The following PAPOLA variants were observed in gnomAD, a reference collection of about 807,000 sequenced individuals.
PAPOLA encodes the protein poly(A) polymerase alpha, also known as polynucleotide adenylyltransferase alpha.
A neutral mutation model predicts 100.6 loss-of-function variants in PAPOLA; 15 were observed. That is an observed-to-expected ratio of 0.15 (90% CI 0.10 to 0.23). The LOEUF (loss-of-function observed/expected upper bound fraction) is 0.23, where lower values mean the gene tolerates loss of function less well. PAPOLA is among the 10% of genes least tolerant of loss of function. The pLI, the probability that PAPOLA is intolerant of heterozygous loss-of-function variation, is 1.00. For synonymous variants in PAPOLA, 293 were observed against 300.0 expected (o/e 0.98, Z 0.24); for missense variants, 533 against 884.2 (o/e 0.60, Z 5.04).
intron 1 of PAPOLA, among the ~76,000 whole-genome samples, chr14:96,518,982 G>A (rs1173832421): frequency 6.6e-6 from 1 of 152,092 alleles, no homozygotes; most frequent in Non-Finnish European, 1.5e-5. Flanking sequence ...GGTGGAACCT[G>A]GAAGGTAGAG....
At chr14:96,513,090 A>G (rs72706844) in intron 1 of PAPOLA, among the ~76,000 whole-genome samples, 203 of 152,262 alleles carry the variant, frequency 1.3e-3, no homozygotes, top group Middle Eastern at 3.4e-3. Flanking sequence ...TTGGGGATGG[A>G]GTCCCGCTTG....
chr14:96,563,074 G>C (rs551338316), intron 21 of PAPOLA, among the ~76,000 whole-genome samples, 181 bp downstream of exon 21: 2 of 152,072 alleles, frequency 1.3e-5, no homozygotes, highest in African/African-American at 4.8e-5. Flanking sequence ...TGACGGAACC[G>C]TTCTCTGGGA....
rs1160525720 is a variant in PAPOLA, at chr14:96,560,703, G to A, written c.2059G>A (p.Glu687Lys). The change falls in exon 20 of 22, where the codon GAA becomes AAA. Residue 687 changes from glutamate to lysine, a missense_variant. This residue lies in a region of PAPOLA where 242 missense variants were observed against 281.0 expected (regional missense o/e 0.86). Coordinates refer to ENST00000216277, the MANE Select transcript of PAPOLA (RefSeq NM_032632.5). The part of the protein sequence containing the change: ...CLALSGHDKT[E>K]AKEQLDTETS... ...TGCTTTGAGTGGACATGATAAAACA[G>A]AAGCAAAGGTATACTAATTTAGCCT... The A allele has an allele frequency of 6.3e-6, 10 of 1,588,202 alleles. No individual in the cohort carries two copies. The highest frequency in any genetic ancestry group is 5.2e-6 in the Non-Finnish European group (6 of 1,157,638).
intron 16 of PAPOLA, among the ~76,000 whole-genome samples, chr14:96,548,430 G>T (rs537803127): frequency 6.6e-6 from 1 of 152,112 alleles, no homozygotes; most frequent in Non-Finnish European, 1.5e-5. Context: ...CATTGTTCTA[G>T]TGTTAGTGCT....
chr14:96,544,806 A>G (rs772703226), intron 15 of PAPOLA, among the ~76,000 whole-genome samples: 1 of 152,090 alleles, frequency 6.6e-6, no homozygotes, highest in African/African-American at 2.4e-5. Context: ...GAAATTGATG[A>G]AGCAGAACTT....
chr14:96,512,405 T>A (rs1479594690), intron 1 of PAPOLA, among the ~76,000 whole-genome samples: 1 of 152,202 alleles, frequency 6.6e-6, no homozygotes, highest in Non-Finnish European at 1.5e-5. Flanking sequence ...TTTATCTATA[T>A]GACTACATAT....
chr14:96,547,467 T>C (rs558562029), intron 15 of PAPOLA, among the ~76,000 whole-genome samples: 10 of 152,284 alleles, frequency 6.6e-5, no homozygotes, highest in Non-Finnish European at 1.3e-4. Flanking sequence ...ACTGGTAGCA[T>C]AAAAGGGTAT....
chr14:96,502,882 C>G (rs1474054091), intron 1 of PAPOLA: 1 of 406,000 alleles, frequency 2.5e-6, no homozygotes, highest in Non-Finnish European at 4.4e-6. Context: ...TCTAACTCGC[C>G]CGGCCACTCC....
intron 17 of PAPOLA, among the ~76,000 whole-genome samples, chr14:96,555,179 G>C (rs143796488): frequency 0.013 from 1,750 of 131,822 alleles, 22 homozygotes; most frequent in Non-Finnish European, 0.021. Context: ...GTTTATTTCT[G>C]TTTTCTGTTT....
At chr14:96,556,124 A>T (rs773260544) in intron 18 of PAPOLA, 51 bp from the exon 19 acceptor site, 1 of 1,427,270 alleles carries the variant, frequency 7.0e-7, no homozygotes, top group Non-Finnish European at 9.9e-7. Context: ...TTACAACTTG[A>T]TACTGATTTG....
intron 1 of PAPOLA, among the ~76,000 whole-genome samples, chr14:96,515,892 T>G (rs1039829066): frequency 6.6e-6 from 1 of 152,212 alleles, no homozygotes; most frequent in Admixed American, 6.5e-5. Context: ...TCTAGTGCAT[T>G]CAAGAATGGG....
intron 3 of PAPOLA, among the ~76,000 whole-genome samples, chr14:96,522,351 T>G (rs1187401924): frequency 2.0e-5 from 3 of 151,772 alleles, no homozygotes; most frequent in Non-Finnish European, 4.4e-5. Context: ...ACTTTTGGTC[T>G]CAAGTGATCT....
In PAPOLA at chr14:96,556,268, G is replaced by A. The variant is rs765959180; in HGVS notation, c.1859G>A (p.Arg620His). The A allele has an allele frequency of 3.1e-6, 5 of 1,613,828 alleles. No homozygotes were observed. The highest frequency in any genetic ancestry group is 2.2e-5 in the East Asian group (1 of 44,872). Reference protein sequence around the residue: ...PTVSRVVSSTRLVNPPPRSSG... With the variant: ...PTVSRVVSSTHLVNPPPRSSG... ...GTCTCCAGAGTTGTTTCTTCAACACGTCTGGTAAACCCACCACCTAGATCT... is the reference window on the plus strand; with the variant it reads ...GTCTCCAGAGTTGTTTCTTCAACACATCTGGTAAACCCACCACCTAGATCT... Residue 620 changes from arginine to histidine, a missense_variant, in exon 19 of 22, where the codon CGT (arginine) becomes CAT (histidine). By Grantham distance (29) the Arg-to-His change is conservative. Around this residue, in one of 9 missense-constraint regions of PAPOLA, gnomAD observed 242 missense variants for 281.0 expected, o/e 0.86. Transcript: ENST00000216277.
chr14:96,565,026 A>C lies in PAPOLA; in HGVS notation c.2214A>C (p.Ser738=). The change falls in exon 22 of 22, where the codon TCA becomes TCC. Residue 738 remains serine (S), a synonymous_variant. Coordinates refer to ENST00000216277, the MANE Select transcript of PAPOLA (RefSeq NM_032632.5). ...ATCCTATTCCTGTTATCAAGAATTC[A>C]ATAAAACTGAGATTGAATCGGTAAA... The part of the protein sequence containing the change: ...PANPIPVIKN[S]IKLRLNR 6.3e-7 allele frequency: 1 copy of C among 1,590,218 alleles called. No homozygotes were observed. Among genetic ancestry groups the C allele is most frequent in the Non-Finnish European group, 8.6e-7 (1 of 1,158,466 alleles).
At position 96,566,864 on chromosome 14, in the gene PAPOLA, C is replaced by T. The variant is rs535257456; in HGVS notation, c.*1814C>T. 3.3e-5 allele frequency: 5 copies of T among 152,660 alleles called. No individual in the cohort carries two copies. The highest frequency in any genetic ancestry group is 7.2e-5 in the African/African-American group (3 of 41,560). 9.5% of individuals were successfully genotyped at this position (152,660 alleles called of 1,614,324 possible). ...GGGGAAAACAATTCAGTTTATTAAA[C>T]GTTTCATGTAACTGCACCCAAGTTT... On this transcript the variant is annotated 3_prime_UTR_variant, in exon 22 of 22. Transcript: ENST00000216277.
At chr14:96,519,844 A>G (rs1897794218) in intron 1 of PAPOLA, among the ~76,000 whole-genome samples, 1 of 152,204 alleles carries the variant, frequency 6.6e-6, no homozygotes, top group Non-Finnish European at 1.5e-5. Context: ...TCTAACTTAG[A>G]TGTTTAAGTA....
chr14:96,532,449 T>C, intron 8 of PAPOLA, 29 bp downstream of exon 8: 1 of 1,605,554 alleles, frequency 6.2e-7, no homozygotes, highest in Non-Finnish European at 8.5e-7. Context: ...GGCTAGCTTA[T>C]TAAAAATGTT....
intron 1 of PAPOLA, 52 bp downstream of exon 1, chr14:96,502,652 G>A (rs551188011): frequency 9.7e-6 from 15 of 1,553,346 alleles, no homozygotes; most frequent in African/African-American, 1.4e-5. Flanking sequence ...GCCTTGGGGG[G>A]CGTCCGGGAA....
intron 6 of PAPOLA, among the ~76,000 whole-genome samples, chr14:96,529,356 C>T (rs1183409048): frequency 6.6e-6 from 1 of 151,718 alleles, no homozygotes; most frequent in East Asian, 1.9e-4. Flanking sequence ...ATTTGTGTAA[C>T]AGTACAATTT....
Sources: allele counts gnomAD v4.1 joint callset (sites outside exome capture counted in the v4.1 genomes callset), GRCh38; gene constraint gnomAD v4.1.1; regional missense constraint gnomAD v4.1.1; transcripts MANE v1.5; gene names NCBI Gene and HGNC (gene_info 2026-07-23, HGNC 2026-07-21).